The following TMCC1 variants were observed in gnomAD, a reference collection of about 807,000 sequenced individuals.
The protein encoded by TMCC1 is transmembrane and coiled-coil domain family 1, also known as transmembrane and coiled-coil domains protein 1.
A neutral mutation model predicts 52.4 loss-of-function variants in TMCC1; 15 were observed. The ratio of observed to expected loss-of-function variants is 0.29; its 90% CI spans 0.19 to 0.44. TMCC1 has a LOEUF of 0.44. Ranked by LOEUF, TMCC1 falls within the 20% of genes least tolerant of loss-of-function variation. The pLI is 1.00. For missense variants in TMCC1, 503 were observed against 806.0 expected (o/e 0.62, Z 4.55); for synonymous variants, 279 against 301.9 (o/e 0.92, Z 0.79).
rs572163622 is a variant in TMCC1 at position 129,675,183 on chromosome 3, G to T, written c.577-3919C>A. ...CCAGATAGACAATTAAATCCCAAAT[G>T]TAAAAGGCAAAATTTAAAAACCTTT... On this transcript the variant is annotated intron_variant, in intron 4 of 6. Transcript: ENST00000393238. 2.6e-5 allele frequency among the ~76,000 whole-genome samples: 4 copies of T among 152,306 alleles called. No homozygotes were observed. The South Asian group carries it at 8.3e-4, about 32-fold the overall frequency.
intron 2 of TMCC1, among the ~76,000 whole-genome samples, chr3:129,869,421 C>T (rs934323565): frequency 7.9e-5 from 12 of 152,068 alleles, no homozygotes; most frequent in Admixed American, 2.6e-4. Context: ...AGTGAATTAA[C>T]GAACCTGAGG....
intron 4 of TMCC1, among the ~76,000 whole-genome samples, chr3:129,704,505 G>A (rs1015832118): frequency 9.2e-5 from 14 of 152,188 alleles, no homozygotes; most frequent in East Asian, 3.9e-4. Flanking sequence ...TGCAACCTCC[G>A]CCTCCCAGGT....
chr3:129,774,986 G>A (rs1393838790), intron 4 of TMCC1, among the ~76,000 whole-genome samples: 1 of 152,094 alleles, frequency 6.6e-6, no homozygotes, highest in African/African-American at 2.4e-5. Context: ...ATTAGACAGG[G>A]GGGATAATAT....
At chr3:129,887,506 C>T (rs2061766823) in intron 1 of TMCC1, among the ~76,000 whole-genome samples, 2 of 147,686 alleles carry the variant, frequency 1.4e-5, no homozygotes, top group African/African-American at 5.0e-5. Context: ...CGCGCCACTG[C>T]ACTCCAACCT....
At chr3:129,742,820 T>C (rs1347251649) in intron 4 of TMCC1, among the ~76,000 whole-genome samples, 1 of 152,208 alleles carries the variant, frequency 6.6e-6, no homozygotes, top group African/African-American at 2.4e-5. Flanking sequence ...AATATGATTT[T>C]GCAGTAAGAA....
intron 2 of TMCC1, among the ~76,000 whole-genome samples, chr3:129,869,353 TA>T (rs760537646): frequency 2.4e-4 from 37 of 152,198 alleles, no homozygotes; most frequent in Non-Finnish European, 5.0e-4. Flanking sequence ...TCCTGAGTTG[TA>T]CCCTTTATAA....
intron 5 of TMCC1, among the ~76,000 whole-genome samples, chr3:129,662,463 C>G (rs72977235): frequency 0.097 from 14,687 of 152,024 alleles, 833 homozygotes; most frequent in African/African-American, 0.15. Context: ...CATATCTAAA[C>G]ATAGAAAAGG....
chr3:129,764,967 A>G (rs2054006275), intron 4 of TMCC1, among the ~76,000 whole-genome samples: 1 of 150,712 alleles, frequency 6.6e-6, no homozygotes, highest in Non-Finnish European at 1.5e-5. Context: ...ATACCCAGCT[A>G]ATTTTTAATG....
chr3:129,855,780 G>A (rs1430794873), intron 2 of TMCC1, among the ~76,000 whole-genome samples: 1 of 152,076 alleles, frequency 6.6e-6, no homozygotes, highest in Non-Finnish European at 1.5e-5. Flanking sequence ...TCTCAGTGAT[G>A]TTTCAAAAAT....
At chr3:129,713,745 A>G (rs1436730352) in intron 4 of TMCC1, among the ~76,000 whole-genome samples, 1 of 151,960 alleles carries the variant, frequency 6.6e-6, no homozygotes, top group Non-Finnish European at 1.5e-5. Flanking sequence ...AAGGAAAAGA[A>G]AATGGAGTTT....
intron 4 of TMCC1, among the ~76,000 whole-genome samples, chr3:129,673,270 A>G (rs2088118122): frequency 6.6e-6 from 1 of 152,136 alleles, no homozygotes; most frequent in African/African-American, 2.4e-5. Flanking sequence ...AGGTGCCAAG[A>G]GTTGCAACAA....
intron 4 of TMCC1, among the ~76,000 whole-genome samples, chr3:129,719,163 A>G (rs2049360752): frequency 6.6e-6 from 1 of 152,094 alleles, no homozygotes; most frequent in African/African-American, 2.4e-5. Flanking sequence ...CCACCCCCCA[A>G]CCTCTGGGAG....
At chr3:129,671,381 T>C (rs990697161) in intron 4 of TMCC1, 117 bp from the exon 5 acceptor site, 15 of 1,098,482 alleles carry the variant, frequency 1.4e-5, no homozygotes, top group Non-Finnish European at 1.9e-5. Flanking sequence ...ATAACTGACC[T>C]ATAATTCCCC....
intron 1 of TMCC1, among the ~76,000 whole-genome samples, chr3:129,885,612 T>G (rs566547259): frequency 6.6e-6 from 1 of 152,024 alleles, no homozygotes; most frequent in Non-Finnish European, 1.5e-5. Context: ...AAAACAATAT[T>G]TGATGCTATT....
chr3:129,777,382 T>C (rs991387546), intron 4 of TMCC1, among the ~76,000 whole-genome samples: 4 of 152,224 alleles, frequency 2.6e-5, no homozygotes, highest in African/African-American at 9.6e-5. Context: ...GTATCTATTC[T>C]GGAGAATACT....
At chr3:129,791,927 A>G (rs192709182) in intron 4 of TMCC1, among the ~76,000 whole-genome samples, 151 of 152,294 alleles carry the variant, frequency 9.9e-4, no homozygotes, top group African/African-American at 3.4e-3. Flanking sequence ...TATCAACCTT[A>G]ACATAAAAAG....
chr3:129,701,772 A>G (rs1479816816), intron 4 of TMCC1, among the ~76,000 whole-genome samples: 1 of 152,164 alleles, frequency 6.6e-6, no homozygotes, highest in Non-Finnish European at 1.5e-5. Flanking sequence ...ATCATGTACC[A>G]CCCAGGGGAC....
At chr3:129,783,381 A>C (rs1334849013) in intron 4 of TMCC1, among the ~76,000 whole-genome samples, 2 of 152,218 alleles carry the variant, frequency 1.3e-5, no homozygotes, top group Admixed American at 6.5e-5. Context: ...GGTCAAGGAA[A>C]CATGTAGTTA....
chr3:129,739,980 C>T (rs557228732), intron 4 of TMCC1, among the ~76,000 whole-genome samples: 7 of 152,360 alleles, frequency 4.6e-5, no homozygotes, highest in East Asian at 1.9e-4. Flanking sequence ...CAAGCACTTA[C>T]GTGCAAGGTT....
Sources: allele counts gnomAD v4.1 joint callset (sites outside exome capture counted in the v4.1 genomes callset), GRCh38; gene constraint gnomAD v4.1.1; transcripts MANE v1.5; gene names NCBI Gene and HGNC (gene_info 2026-07-23, HGNC 2026-07-21).